Variants in PGM5 observed in about 807,000 individuals in gnomAD.
PGM5 encodes the protein phosphoglucomutase-like protein 5.
A neutral mutation model predicts 59.2 loss-of-function variants in PGM5; 23 were observed. That is an observed-to-expected ratio of 0.39 (90% CI 0.28 to 0.55). The LOEUF (loss-of-function observed/expected upper bound fraction) is 0.55. PGM5 is among the 20% of genes least tolerant of loss of function. The pLI, the probability that PGM5 is intolerant of heterozygous loss-of-function variation, is 0.66. For missense variants in PGM5, 574 were observed against 748.3 expected (o/e 0.77, Z 2.72); for synonymous variants, 214 against 286.0 (o/e 0.75, Z 2.54).
intron 8 of PGM5, among the ~76,000 whole-genome samples, chr9:68,481,854 A>G (rs553578611): frequency 2.6e-5 from 4 of 152,242 alleles, no homozygotes; most frequent in Non-Finnish European, 5.9e-5. Flanking sequence ...AAAGGTAAAC[A>G]TTTCCTTCAA....
chr9:68,377,077 C>A (rs1587777244), intron 1 of PGM5, among the ~76,000 whole-genome samples: 1 of 152,032 alleles, frequency 6.6e-6, no homozygotes, highest in East Asian at 1.9e-4. Context: ...CAGGCGTGCA[C>A]CACCATGCTC....
chr9:68,482,263 A>G (rs1316099593), intron 8 of PGM5, among the ~76,000 whole-genome samples: 1 of 151,086 alleles, frequency 6.6e-6, no homozygotes, highest in African/African-American at 2.4e-5. Context: ...CTCCTGCTAG[A>G]CTCTCTTCTC....
intron 8 of PGM5, among the ~76,000 whole-genome samples, chr9:68,480,180 G>T (rs1052660806): frequency 6.6e-6 from 1 of 152,224 alleles, no homozygotes; most frequent in Non-Finnish European, 1.5e-5. Context: ...TGTGAGAGCC[G>T]TGCAGTCAAA....
rs558270894 is a variant in PGM5 at position 68,491,687 on chromosome 9, T to C, written c.1480-7540T>C. On this transcript the variant is annotated intron_variant, in intron 9 of 10. Transcript: ENST00000396396. The stretch of plus-strand genomic sequence containing the variant: ...CAAACGCATATTCAGTACTTTATAA[T>C]GACCTGTCAGCTGATTTGAAAATAA... Among the ~76,000 whole-genome samples, 174 of 152,304 alleles carry C rather than the reference T, an allele frequency of 1.1e-3. 1 individual carries two copies. Among genetic ancestry groups the C allele is most frequent in the African/African-American group, 3.9e-3 (164 of 41,568 alleles).
At chr9:68,527,748 G>T (rs1321067884) in intron 10 of PGM5, among the ~76,000 whole-genome samples, 1 of 151,608 alleles carries the variant, frequency 6.6e-6, no homozygotes, top group Non-Finnish European at 1.5e-5. Context: ...ATGTGAGCTT[G>T]TCCATCTAGC....
At chr9:68,482,964 TAGG>T (rs1554687234) in intron 8 of PGM5, among the ~76,000 whole-genome samples, 1 of 152,260 alleles carries the variant, frequency 6.6e-6, no homozygotes, top group Admixed American at 6.5e-5. Context: ...TACGCTTGGC[TAGG>T]AGGACTTTTT....
At position 68,357,284 on chromosome 9, in the gene PGM5, G is replaced by T; in HGVS notation, c.157G>T (p.Asp53Tyr). ...NFIQSVLSSI[D>Y]LRDRQGCTMV... is the part of the protein sequence containing the mutation. ...TATCCAGAGCGTGCTGTCGTCCATCGACCTGCGCGACCGTCAGGGCTGCAC... is the reference window on the plus strand; with the variant it reads ...TATCCAGAGCGTGCTGTCGTCCATCTACCTGCGCGACCGTCAGGGCTGCAC... The change falls in exon 1 of 11, where the codon GAC becomes TAC. Residue 53 changes from aspartate (D) to tyrosine (Y), a missense_variant. By Grantham distance (160) the Asp-to-Tyr change is radical (BLOSUM62 -3). Coordinates refer to ENST00000396396, the MANE Select transcript of PGM5 (RefSeq NM_021965.4). 6.5e-7 allele frequency: 1 copy of T among 1,545,034 alleles called. No individual in the cohort carries two copies. The highest frequency in any genetic ancestry group is 8.7e-7 in the Non-Finnish European group (1 of 1,146,190).
chr9:68,442,788 A>G, intron 6 of PGM5, among the ~76,000 whole-genome samples: 1 of 152,268 alleles, frequency 6.6e-6, no homozygotes, highest in South Asian at 2.1e-4. Context: ...GATGTCAAAT[A>G]AGAACACGAA....
intron 6 of PGM5, chr9:68,405,173 C>T (rs1297343222): frequency 6.6e-6 from 1 of 152,188 alleles, no homozygotes; most frequent in Non-Finnish European, 1.5e-5. Context: ...GGGGTTTGTA[C>T]TTTCACTGAC....
intron 6 of PGM5, among the ~76,000 whole-genome samples, chr9:68,425,690 T>A (rs528696356): frequency 1.8e-4 from 27 of 152,106 alleles, no homozygotes; most frequent in East Asian, 1.4e-3. Flanking sequence ...TTGTTCATTG[T>A]TTTTTTTCTT....
intron 10 of PGM5, among the ~76,000 whole-genome samples, chr9:68,521,385 T>G (rs1824897511): frequency 6.6e-6 from 1 of 152,182 alleles, no homozygotes; most frequent in Non-Finnish European, 1.5e-5. Flanking sequence ...GCTTCCGAAG[T>G]CTTTTGGAGA....
chr9:68,422,968 T>C (rs1240551099), intron 6 of PGM5, among the ~76,000 whole-genome samples: 1 of 152,258 alleles, frequency 6.6e-6, no homozygotes, highest in East Asian at 1.9e-4. Flanking sequence ...AGTGAGAATA[T>C]ACCATGTTTG....
At chr9:68,433,994 C>T (rs529553354) in intron 6 of PGM5, among the ~76,000 whole-genome samples, 11 of 152,206 alleles carry the variant, frequency 7.2e-5, no homozygotes, top group African/African-American at 2.6e-4. Flanking sequence ...AAGAGACCCT[C>T]AAAGAGACAA....
chr9:68,423,410 A>T (rs1466722266), intron 6 of PGM5, among the ~76,000 whole-genome samples: 2 of 152,176 alleles, frequency 1.3e-5, no homozygotes, highest in African/African-American at 4.8e-5. Context: ...TTTTTGGATT[A>T]TGGCCATTCT....
intron 10 of PGM5, among the ~76,000 whole-genome samples, chr9:68,524,426 G>A (rs758678541): frequency 3.9e-5 from 6 of 152,092 alleles, no homozygotes; most frequent in Non-Finnish European, 7.3e-5. Context: ...CAAGATAAGC[G>A]TTCACTGCTT....
In PGM5 at chr9:68,416,594, A is replaced by G. The variant is rs1259125596; in HGVS notation, c.1043+24121A>G. Among the ~76,000 whole-genome samples the G allele has an allele frequency of 2.6e-5, 4 of 152,212 alleles. No individual in the cohort carries two copies. The East Asian group carries it at 7.7e-4, about 29-fold the overall frequency. On this transcript the variant is annotated intron_variant, in intron 6 of 10. Transcript: ENST00000396396. ...ACCAAATTAAGACTAAAGAATATGT[A>G]TTCTCTTTCTTCTCATTTGGCGTTG... is the stretch of plus-strand genomic sequence containing the variant.
chr9:68,430,833 A>G (rs1249341125), intron 6 of PGM5, among the ~76,000 whole-genome samples: 1 of 152,214 alleles, frequency 6.6e-6, no homozygotes, highest in Non-Finnish European at 1.5e-5. Context: ...TTAGAAGTTT[A>G]TTTTGTTACA....
intron 10 of PGM5, among the ~76,000 whole-genome samples, chr9:68,501,420 T>C (rs1210584015): frequency 6.6e-6 from 1 of 152,224 alleles, no homozygotes; most frequent in Non-Finnish European, 1.5e-5. Context: ...GGCCAACCTG[T>C]CTTAATTACT....
At chr9:68,367,127 A>G (rs1186064053) in intron 1 of PGM5, among the ~76,000 whole-genome samples, 4 of 151,980 alleles carry the variant, frequency 2.6e-5, no homozygotes, top group Non-Finnish European at 2.9e-5. Context: ...ACACATGCAC[A>G]CTCTATCACA....
Sources: gnomAD v4.1 joint callset for allele counts (sites outside exome capture counted in the v4.1 genomes callset) on GRCh38, gnomAD v4.1.1 for gene constraint, MANE v1.5 for transcripts, NCBI Gene and HGNC (gene_info 2026-07-23, HGNC 2026-07-21) for gene names.